The following FAM221A variants were observed in gnomAD, a reference collection of about 807,000 sequenced individuals.
The protein encoded by FAM221A is family with sequence similarity 221 member A.
Under a neutral mutation model 37.6 loss-of-function variants are expected in FAM221A, and 43 were observed. The ratio of observed to expected loss-of-function variants is 1.15; its 90% CI spans 0.90 to 1.48. The LOEUF is 1.48. Ranked by LOEUF, FAM221A falls within the 40% of genes most tolerant of loss-of-function variation. FAM221A has a pLI of 0.00. For synonymous variants in FAM221A, 135 were observed against 132.9 expected, an observed-to-expected ratio of 1.02 and a Z score of -0.11; for missense variants, 361 against 361.5, an observed-to-expected ratio of 1.00 and a Z score of 0.01.
intron 2 of FAM221A, among the ~76,000 whole-genome samples, chr7:23,685,450 G>C (rs528193735): frequency 2.6e-5 from 4 of 152,290 alleles, no homozygotes; most frequent in Non-Finnish European, 5.9e-5. Flanking sequence ...GGCTTTGCCA[G>C]GGGTCTTTCA....
intron 4 of FAM221A, chr7:23,694,782 G>A (rs1162954798): frequency 1.3e-5 from 2 of 152,164 alleles, no homozygotes; most frequent in Non-Finnish European, 2.9e-5. Context: ...CAGCCACTAT[G>A]TTGTTTTCAT....
chr7:23,685,884 G>A (rs1480854800), intron 2 of FAM221A, among the ~76,000 whole-genome samples: 1 of 152,168 alleles, frequency 6.6e-6, no homozygotes, highest in Non-Finnish European at 1.5e-5. Flanking sequence ...CTCTGAACCT[G>A]TTCCATGTTT....
intron 6 of FAM221A, among the ~76,000 whole-genome samples, chr7:23,701,300 C>T (rs1363170136): frequency 1.5e-5 from 2 of 135,690 alleles, no homozygotes; most frequent in East Asian, 2.1e-4. Flanking sequence ...AGTGCAGTGG[C>T]GCGATCTCGG....
At position 23,702,090 on chromosome 7, in the gene FAM221A, T is replaced by G. The variant is rs1186482546; in HGVS notation, c.829-6T>G. 1 of 1,582,828 alleles carries G rather than the reference T, an allele frequency of 6.3e-7. No individual in the cohort carries two copies. Among genetic ancestry groups the G allele is most frequent in the Non-Finnish European group, 8.6e-7 (1 of 1,163,028 alleles). ...TATTATATCAATAAATATGTTAAATTTACAGATGAAAATGGAAAAGGCTGC... is the reference window on the plus strand; with the variant it reads ...TATTATATCAATAAATATGTTAAATGTACAGATGAAAATGGAAAAGGCTGC... On this transcript the variant is annotated splice_polypyrimidine_tract_variant and splice_region_variant and intron_variant, in intron 6 of 6. Coordinates refer to ENST00000344962, the MANE Select transcript of FAM221A (RefSeq NM_199136.5).
chr7:23,684,699 T>C, intron 2 of FAM221A, 27 bp downstream of exon 2: 2 of 1,562,118 alleles, frequency 1.3e-6, no homozygotes, highest in Non-Finnish European at 1.7e-6. Flanking sequence ...CAAAGTTTTT[T>C]GATAATTAGA....
At chr7:23,696,088 C>G (rs1436865506) in intron 4 of FAM221A, among the ~76,000 whole-genome samples, 1 of 152,112 alleles carries the variant, frequency 6.6e-6, no homozygotes, top group African/African-American at 2.4e-5. Context: ...TTACATAAAC[C>G]TAGATGGTAG....
In FAM221A at chr7:23,691,523, T is replaced by C. The variant is rs1285289156; in HGVS notation, c.564T>C (p.Tyr188=). Residue 188 remains tyrosine (Y), a synonymous_variant, in exon 4 of 7, where the codon TAT becomes TAC. Transcript: ENST00000344962. ...AACCAGTGGGACAGGACATTCCTTA[T>C]GCAGCCATGGGAGGATTAACTGGTT... The part of the protein sequence containing the change: ...QEKPVGQDIP[Y]AAMGGLTGFS... The C allele has an allele frequency of 1.9e-6, 3 of 1,614,208 alleles. No homozygotes were observed. The highest frequency in any genetic ancestry group is 8.5e-7 in the Non-Finnish European group (1 of 1,180,036).
intron 1 of FAM221A, chr7:23,680,710 G>A (rs79961622): frequency 0.03 from 4,776 of 160,986 alleles, 216 homozygotes; most frequent in African/African-American, 0.1. Flanking sequence ...TTAGGAGAAA[G>A]GCACCGACTG....
chr7:23,686,166 G>C (rs1207253732), intron 2 of FAM221A: 2 of 304,558 alleles, frequency 6.6e-6, no homozygotes, highest in African/African-American at 4.6e-5. Context: ...GTAAGTTTGT[G>C]ATAGTTTTAT....
chr7:23,680,988 G>A (rs546034203), intron 1 of FAM221A, among the ~76,000 whole-genome samples: 5 of 152,168 alleles, frequency 3.3e-5, no homozygotes, highest in Non-Finnish European at 7.4e-5. Flanking sequence ...CAGGGAGGCC[G>A]GAGCGAGCGA....
intron 5 of FAM221A, among the ~76,000 whole-genome samples, chr7:23,700,067 A>G (rs574410542): frequency 6.6e-6 from 1 of 152,268 alleles, no homozygotes; most frequent in African/African-American, 2.4e-5. Flanking sequence ...AAGATAATCG[A>G]CAGACTGTAG....
chr7:23,684,564 A>G lies in FAM221A; in HGVS notation c.131A>G (p.Lys44Arg), dbSNP rs375175216. The G allele has an allele frequency of 4.8e-5, 78 of 1,613,878 alleles. No individual in the cohort carries two copies. The highest frequency in any genetic ancestry group is 6.4e-5 in the Non-Finnish European group (75 of 1,179,970). Residue 44 changes from lysine (K) to arginine (R), a missense_variant, in exon 2 of 7, where the codon AAA becomes AGA. By Grantham distance (26) the Lys-to-Arg change is conservative (BLOSUM62 2). Transcript: ENST00000344962. ...GAAGAATATGAAGAATACAAAAGAA[A>G]AGTTTTACCTCTGCGCTTACAAAAC... ...TPEEYEEYKR[K>R]VLPLRLQNRL...
At chr7:23,683,874 G>A (rs751736071) in intron 1 of FAM221A, among the ~76,000 whole-genome samples, 26 of 152,120 alleles carry the variant, frequency 1.7e-4, no homozygotes, top group Non-Finnish European at 2.2e-4. Flanking sequence ...GGAAGATATC[G>A]CCAGACCAAT....
At chr7:23,692,066 C>T (rs1457432164) in intron 4 of FAM221A, 3 of 321,182 alleles carry the variant, frequency 9.3e-6, no homozygotes, top group South Asian at 1.2e-4. Flanking sequence ...TACATGTAAT[C>T]ACTTCTGTAG....
chr7:23,697,329 C>T (rs151168553), intron 4 of FAM221A, among the ~76,000 whole-genome samples: 1 of 152,258 alleles, frequency 6.6e-6, no homozygotes, highest in East Asian at 1.9e-4. Context: ...GTAGAGATAG[C>T]AGTGTAGGGG....
At chr7:23,687,202 A>G (rs1223421375) in intron 2 of FAM221A, 1 of 152,240 alleles carries the variant, frequency 6.6e-6, no homozygotes, top group Non-Finnish European at 1.5e-5. Flanking sequence ...AATACCTGCC[A>G]GCTAGTCCAG....
intron 4 of FAM221A, among the ~76,000 whole-genome samples, chr7:23,696,280 C>G (rs533851520): frequency 6.6e-6 from 1 of 152,120 alleles, no homozygotes; most frequent in Non-Finnish European, 1.5e-5. Flanking sequence ...TAAAATGGGC[C>G]GTGTGCAGTG....
At position 23,698,244 on chromosome 7, in the gene FAM221A, A is replaced by G; in HGVS notation, c.690A>G (p.Pro230=). Residue 230 remains proline, a synonymous_variant, in exon 5 of 7, where the codon CCA becomes CCG. Transcript: ENST00000344962. ...LESPITAVDS[P]FLKAFQASSS... ...CTCCCATTACGGCAGTAGACAGCCC[A>G]TTCCTAAAAGCATTTCAAGCATCAT... 1 of 1,599,462 alleles carries G rather than the reference A, an allele frequency of 6.3e-7. No homozygotes were observed.
intron 4 of FAM221A, chr7:23,692,917 C>T (rs1784835982): frequency 5.3e-6 from 1 of 188,748 alleles, no homozygotes; most frequent in Admixed American, 6.5e-5. Context: ...ATCCTCCAGT[C>T]TCAGTCTTCC....
Sources: gnomAD v4.1 joint callset for allele counts (sites outside exome capture counted in the v4.1 genomes callset) on GRCh38, gnomAD v4.1.1 for gene constraint, MANE v1.5 for transcripts, NCBI Gene and HGNC (gene_info 2026-07-23, HGNC 2026-07-21) for gene names.